TAF4B: variants seen among roughly 807,000 people sequenced by gnomAD.
The protein encoded by TAF4B is TATA-box binding protein associated factor 4b.
In TAF4B, 38 loss-of-function variants were observed where a neutral mutation model predicts 86.4. That is an observed-to-expected ratio of 0.44 (90% CI 0.34 to 0.58). The LOEUF (loss-of-function observed/expected upper bound fraction) is 0.58, where lower values mean the gene tolerates loss of function less well. TAF4B is among the 20% of genes least tolerant of loss of function. TAF4B has a pLI of 0.02. For missense variants in TAF4B, 988 were observed against 1,027.6 expected, an observed-to-expected ratio of 0.96 and a Z score of 0.53; for synonymous variants, 388 against 391.2, an observed-to-expected ratio of 0.99 and a Z score of 0.10.
At chr18:26,372,381 A>AT (rs941454217) in intron 14 of TAF4B, among the ~76,000 whole-genome samples, 12 of 152,116 alleles carry the variant, frequency 7.9e-5, no homozygotes, top group East Asian at 1.9e-4. Context: ...AATTGCAGGT[A>AT]TTTTTTCCAG....
At chr18:26,303,717 A>C (rs2056766458) in intron 9 of TAF4B, among the ~76,000 whole-genome samples, 2 of 131,550 alleles carry the variant, frequency 1.5e-5, no homozygotes, top group South Asian at 2.4e-4. Flanking sequence ...CCTTGGCTCT[A>C]CTTGGGCTTT....
intron 1 of TAF4B, among the ~76,000 whole-genome samples, chr18:26,229,007 A>G (rs1357477561): frequency 2.0e-5 from 3 of 151,952 alleles, no homozygotes; most frequent in African/African-American, 4.8e-5. Flanking sequence ...GTTTTAGCTC[A>G]GGTCTGTTTA....
intron 1 of TAF4B, among the ~76,000 whole-genome samples, chr18:26,245,481 C>G (rs749457332): frequency 1.3e-5 from 2 of 152,118 alleles, no homozygotes; most frequent in Non-Finnish European, 2.9e-5. Flanking sequence ...AGCTTTTGTT[C>G]CCTTATTGGC....
At chr18:26,243,138 T>C (rs2055866609) in intron 1 of TAF4B, among the ~76,000 whole-genome samples, 1 of 152,252 alleles carries the variant, frequency 6.6e-6, no homozygotes, top group East Asian at 1.9e-4. Context: ...CCTGCCTTGC[T>C]AGGTTGGGGA....
rs140557307 is a variant in TAF4B at position 26,283,387 on chromosome 18, C to T, written c.972+1327C>T. 2.9e-3 allele frequency among the ~76,000 whole-genome samples: 445 copies of T among 151,894 alleles called. 2 individuals are homozygous for T. Among genetic ancestry groups the T allele is most frequent in the African/African-American group, 9.9e-3 (410 of 41,400 alleles). On this transcript the variant is annotated intron_variant, in intron 6 of 14. Transcript: ENST00000269142. Reference sequence around the variant, plus strand: ...CATCTCTATCAGAACTTCTGGGTGACGAGGTGTATTGTCAATGAGTGGTAA... The same window carrying T: ...CATCTCTATCAGAACTTCTGGGTGATGAGGTGTATTGTCAATGAGTGGTAA...
rs1201787758 is a variant in TAF4B, at chr18:26,318,903, GTTC to G, written c.2003-2160_2003-2158del. On this transcript the variant is annotated intron_variant, in intron 10 of 14. Coordinates refer to ENST00000269142, the MANE Select transcript of TAF4B (RefSeq NM_005640.3). ...AATACATATGAAATTATTTTCAGAA[GTTC>G]TTCTTCAAACACTAAGGTGCCTTGC... is the stretch of plus-strand genomic sequence containing the variant. Among the ~76,000 whole-genome samples, 8 of 152,314 alleles carry G rather than the reference GTTC, an allele frequency of 5.3e-5. No individual in the cohort carries two copies. In the South Asian group the frequency reaches 8.3e-4, roughly 16 times the overall value.
intron 13 of TAF4B, among the ~76,000 whole-genome samples, chr18:26,344,413 C>A (rs768240805): frequency 8.7e-5 from 13 of 149,212 alleles, no homozygotes; most frequent in Non-Finnish European, 1.6e-4. Flanking sequence ...AAGAAAGTGG[C>A]AAAACATTTT....
intron 7 of TAF4B, among the ~76,000 whole-genome samples, chr18:26,289,350 G>C (rs913174798): frequency 2.8e-4 from 42 of 152,290 alleles, no homozygotes; most frequent in Admixed American, 2.4e-3. Context: ...TTACTGCACT[G>C]TATCAAATCT....
intron 9 of TAF4B, among the ~76,000 whole-genome samples, chr18:26,308,351 G>A (rs533078928): frequency 6.6e-6 from 1 of 152,262 alleles, no homozygotes; most frequent in African/African-American, 2.4e-5. Context: ...TTAGTCATAT[G>A]TTGTCATAGT....
At chr18:26,340,066 GAATA>G (rs2057124470) in intron 13 of TAF4B, among the ~76,000 whole-genome samples, 1 of 152,144 alleles carries the variant, frequency 6.6e-6, no homozygotes, top group Non-Finnish European at 1.5e-5. Context: ...CTGGGAAAAA[GAATA>G]AATACTAAAT....
intron 12 of TAF4B, among the ~76,000 whole-genome samples, chr18:26,331,606 A>G (rs2057051191): frequency 6.6e-6 from 1 of 152,246 alleles, no homozygotes; most frequent in East Asian, 1.9e-4. Context: ...TTACACCACC[A>G]TCTTCCCAGA....
intron 1 of TAF4B, among the ~76,000 whole-genome samples, chr18:26,253,023 C>G (rs949236011): frequency 6.6e-6 from 1 of 151,824 alleles, no homozygotes; most frequent in Non-Finnish European, 1.5e-5. Flanking sequence ...TTACTCATTC[C>G]CTTCTGATTT....
In TAF4B at chr18:26,346,821, G is replaced by A. The variant is rs1420623917; in HGVS notation, c.2317-10869G>A. ...TATGTGTATATATATATATATGTGTGTGTATATATATATATGTGTGTGTGT... is the reference window on the plus strand; with the variant it reads ...TATGTGTATATATATATATATGTGTATGTATATATATATATGTGTGTGTGT... On this transcript the variant is annotated intron_variant, in intron 13 of 14. Coordinates refer to ENST00000269142, the MANE Select transcript of TAF4B (RefSeq NM_005640.3). Among the ~76,000 whole-genome samples the A allele has an allele frequency of 2.8e-3, 63 of 22,508 alleles. 1 individual carries two copies. Among genetic ancestry groups the A allele is most frequent in the African/African-American group, 5.3e-3 (52 of 9,782 alleles). 14.8% of individuals were successfully genotyped at this position (22,508 alleles called of 152,430 possible). A position where few individuals can be genotyped will look rare whatever the true frequency, so the allele number is the denominator to read the frequency against.
chr18:26,268,989 A>G (rs185922306), intron 3 of TAF4B, among the ~76,000 whole-genome samples: 20 of 151,746 alleles, frequency 1.3e-4, no homozygotes, highest in Admixed American at 1.3e-3. Context: ...TGCCCAGCTG[A>G]TTTTTTGTAT....
intron 13 of TAF4B, among the ~76,000 whole-genome samples, chr18:26,347,566 T>C (rs193232275): frequency 4.5e-4 from 68 of 152,184 alleles, no homozygotes; most frequent in African/African-American, 1.6e-3. Context: ...TAGTAATAAG[T>C]CCACACCTAT....
At chr18:26,381,698 G>C (rs908791766) in intron 14 of TAF4B, among the ~76,000 whole-genome samples, 4 of 151,714 alleles carry the variant, frequency 2.6e-5, no homozygotes, top group Non-Finnish European at 5.9e-5. Flanking sequence ...TTGCACTCCA[G>C]CCTGGGCAAT....
At chr18:26,298,022 T>C (rs1458417456) in intron 9 of TAF4B, among the ~76,000 whole-genome samples, 1 of 150,230 alleles carries the variant, frequency 6.7e-6, no homozygotes, top group Non-Finnish European at 1.5e-5. Flanking sequence ...ACTGCAGTTT[T>C]ACTTTGTCTC....
At chr18:26,374,749 T>A (rs2057431322) in intron 14 of TAF4B, among the ~76,000 whole-genome samples, 1 of 152,236 alleles carries the variant, frequency 6.6e-6, no homozygotes, top group African/African-American at 2.4e-5. Context: ...ACAATGAATC[T>A]GCTTAGGTAT....
chr18:26,229,723 G>A (rs1331374537), intron 1 of TAF4B, among the ~76,000 whole-genome samples: 1 of 151,818 alleles, frequency 6.6e-6, no homozygotes, highest in Non-Finnish European at 1.5e-5. Flanking sequence ...GGCTGGTCTC[G>A]AACTCCTGAC....
Sources: gnomAD v4.1 joint callset for allele counts (sites outside exome capture counted in the v4.1 genomes callset) on GRCh38, gnomAD v4.1.1 for gene constraint, MANE v1.5 for transcripts, NCBI Gene and HGNC (gene_info 2026-07-23, HGNC 2026-07-21) for gene names.